FER1L6: variants seen among roughly 807,000 people sequenced by gnomAD.
FER1L6 encodes fer-1-like protein 6.
In FER1L6, 177 loss-of-function variants were observed where a neutral mutation model predicts 219.2. The observed-to-expected ratio is 0.81, with a 90% CI of 0.71 to 0.91. The LOEUF (loss-of-function observed/expected upper bound fraction) is 0.91. Among genes scored for constraint, FER1L6 ranks in the 40% least tolerant of loss-of-function variants. The probability of loss-of-function intolerance (pLI) is 0.00; values close to 1 mark genes in which losing one functional copy is unlikely to be tolerated. For missense variants in FER1L6, 2,153 were observed against 2,259.9 expected (o/e 0.95, Z 0.96); for synonymous variants, 768 against 824.3 (o/e 0.93, Z 1.17).
intron 20 of FER1L6, among the ~76,000 whole-genome samples, chr8:124,041,694 G>A (rs1483082767): frequency 2.0e-5 from 3 of 152,112 alleles, no homozygotes; most frequent in African/African-American, 7.2e-5. Flanking sequence ...GAAGTCAGGA[G>A]ACACCTCAGA....
intron 33 of FER1L6, among the ~76,000 whole-genome samples, chr8:124,090,858 G>A (rs1822000114): frequency 6.6e-6 from 1 of 152,332 alleles, no homozygotes; most frequent in South Asian, 2.1e-4. Flanking sequence ...GGGGTAGGGA[G>A]AAGGGAGGGA....
At chr8:123,859,427 T>G (rs555018531) in intron 1 of FER1L6, among the ~76,000 whole-genome samples, 4 of 152,312 alleles carry the variant, frequency 2.6e-5, no homozygotes, top group African/African-American at 9.6e-5. Flanking sequence ...AAAATCTATC[T>G]TAGCAACTTT....
chr8:123,953,635 A>T (rs1056029796), intron 1 of FER1L6, among the ~76,000 whole-genome samples: 2 of 152,200 alleles, frequency 1.3e-5, no homozygotes, highest in African/African-American at 4.8e-5. Flanking sequence ...CATGACGAGG[A>T]TGTCAGCTCC....
In FER1L6 at chr8:124,071,438, T is replaced by C. The variant is rs1821065003; in HGVS notation, c.3967-68T>C. On this transcript the variant is annotated intron_variant, in intron 30 of 40. Coordinates refer to ENST00000522917, the MANE Select transcript of FER1L6 (RefSeq NM_001039112.2). The stretch of plus-strand genomic sequence containing the variant: ...AGCTGTGCCCATTTTCCCAGCACAG[T>C]GCTCTCTGTGGGTTTTGGTGGGACA... 1.9e-6 allele frequency: 3 copies of C among 1,591,842 alleles called. No individual in the cohort carries two copies. In the South Asian group the frequency reaches 3.4e-5, roughly 18 times the overall value.
At position 124,096,934 on chromosome 8, in the gene FER1L6, C is replaced by T. The variant is rs544516122; in HGVS notation, c.4696-337C>T. Among the ~76,000 whole-genome samples the T allele has an allele frequency of 2.4e-4, 36 of 152,090 alleles. No individual in the cohort carries two copies. In the South Asian group the frequency reaches 6.0e-3, roughly 25 times the overall value. ...TGTCAAACAGAAATAGTAACATCTA[C>T]CTGGTGGAGATGTTGCAAGAGTTCA... On this transcript the variant is annotated intron_variant, in intron 35 of 40. Coordinates refer to ENST00000522917, the MANE Select transcript of FER1L6 (RefSeq NM_001039112.2).
chr8:123,960,100 G>A (rs1019389851), intron 2 of FER1L6, among the ~76,000 whole-genome samples: 19 of 152,144 alleles, frequency 1.2e-4, no homozygotes, highest in Admixed American at 2.6e-4. Flanking sequence ...AACCTGTAGG[G>A]GGGTAAATGA....
Position 124,091,526 on chromosome 8 carries a change from A to ATACAGAT in FER1L6, c.4496_4502dup (p.Gly1502ThrfsTer15). 1 of 1,614,116 alleles carries ATACAGAT rather than the reference A, an allele frequency of 6.2e-7. No homozygotes were observed. Among genetic ancestry groups the ATACAGAT allele is most frequent in the Non-Finnish European group, 8.5e-7 (1 of 1,179,950 alleles). Reference sequence around the variant, plus strand: ...TGGACCCTACTTTCACCCTGGGAAAATACAGATAGGAAACCAAGTCTTTTC... The same window carrying ATACAGAT: ...TGGACCCTACTTTCACCCTGGGAAAATACAGATTACAGATAGGAAACCAAGTCTTTTC... On this transcript the variant is annotated frameshift_variant, in exon 34 of 41. Transcript: ENST00000522917. LOFTEE classifies it high-confidence loss of function.
At chr8:124,092,897 C>T (rs980090366) in intron 34 of FER1L6, among the ~76,000 whole-genome samples, 1 of 150,002 alleles carries the variant, frequency 6.7e-6, no homozygotes, top group South Asian at 2.1e-4. Context: ...ATTCTGTCAC[C>T]CAGGCTGGAG....
intron 1 of FER1L6, among the ~76,000 whole-genome samples, chr8:123,881,589 C>T (rs1181558600): frequency 6.6e-6 from 1 of 152,094 alleles, no homozygotes; most frequent in African/African-American, 2.4e-5. Flanking sequence ...AAAAAGCAAA[C>T]TTTAGTGCCA....
At chr8:124,090,057 A>G (rs1332630221) in intron 33 of FER1L6, among the ~76,000 whole-genome samples, 2 of 152,184 alleles carry the variant, frequency 1.3e-5, no homozygotes, top group Non-Finnish European at 2.9e-5. Context: ...AATTGACTTA[A>G]CATTTATGCA....
At chr8:124,001,405 C>A (rs1817404102) in intron 12 of FER1L6, among the ~76,000 whole-genome samples, 1 of 152,126 alleles carries the variant, frequency 6.6e-6, no homozygotes, top group Non-Finnish European at 1.5e-5. Context: ...ATTAAAAACC[C>A]CATCTAATTA....
Position 124,101,108 on chromosome 8 carries a change from G to C in FER1L6, c.4895G>C (p.Gly1632Ala), listed in dbSNP as rs1314862043. ...GAATCTATTTTTAGGTGGTTAAAGG[G>C]CTTGGAGGATGACAAGCAGGAGACA... ...SDIYVKGWLK[G>A]LEDDKQETDV... Residue 1632 changes from glycine to alanine, a missense_variant, in exon 38 of 41, where the codon GGC (glycine) becomes GCC (alanine). Gly to Ala is a moderately conservative substitution (Grantham distance 60). Coordinates refer to ENST00000522917, the MANE Select transcript of FER1L6 (RefSeq NM_001039112.2). 1.9e-6 allele frequency: 3 copies of C among 1,613,728 alleles called. No homozygotes were observed. The highest frequency in any genetic ancestry group is 1.6e-4 in the Middle Eastern group (1 of 6,062).
At chr8:123,939,241 T>G in intron 1 of FER1L6, 1 of 961,430 alleles carries the variant, frequency 1.0e-6, no homozygotes, top group Non-Finnish European at 1.2e-6. Context: ...AACCATGACA[T>G]TCTGTGGTAC....
Position 123,980,472 on chromosome 8 carries a change from GC to G in FER1L6, c.1074del (p.Thr359ProfsTer18). The stretch of plus-strand genomic sequence containing the variant: ...AACCTGGGGTCTCTCTAGGCTTTCT[GC>G]CCACCTTTGGGCCTGCCTGGATTAA... ...NEQDGDKGFL[P>X]TFGPAWINLY... On this transcript the variant is annotated frameshift_variant, in exon 11 of 41. Coordinates refer to ENST00000522917, the MANE Select transcript of FER1L6 (RefSeq NM_001039112.2). LOFTEE classifies it high-confidence loss of function. 1 of 1,607,608 alleles carries G rather than the reference GC, an allele frequency of 6.2e-7. No homozygotes were observed. Among genetic ancestry groups the G allele is most frequent in the Non-Finnish European group, 8.5e-7 (1 of 1,176,882 alleles).
At chr8:124,047,075 T>C (rs1293320683) in intron 21 of FER1L6, among the ~76,000 whole-genome samples, 1 of 152,262 alleles carries the variant, frequency 6.6e-6, no homozygotes, top group Non-Finnish European at 1.5e-5. Flanking sequence ...AATTTTGTTC[T>C]TAACAACATG....
In FER1L6 at chr8:124,094,877, TTGTC is replaced by T; in HGVS notation, c.4553-17_4553-14del. 6.2e-7 allele frequency: 1 copy of T among 1,613,692 alleles called. No homozygotes were observed. The highest frequency in any genetic ancestry group is 8.5e-7 in the Non-Finnish European group (1 of 1,179,698). On this transcript the variant is annotated splice_polypyrimidine_tract_variant and intron_variant, in intron 34 of 40. Coordinates refer to ENST00000522917, the MANE Select transcript of FER1L6 (RefSeq NM_001039112.2). Reference sequence around the variant, plus strand: ...TTGCAGGAACACACATCTGACAAGTTTGTCTTTCTTTCCTGCAGATGAGACAGTG... The same window carrying T: ...TTGCAGGAACACACATCTGACAAGTTTTTCTTTCCTGCAGATGAGACAGTG...
intron 33 of FER1L6, among the ~76,000 whole-genome samples, chr8:124,088,940 G>A (rs1240948175): frequency 6.6e-6 from 1 of 152,006 alleles, no homozygotes; most frequent in East Asian, 1.9e-4. Context: ...CTGGGCCTCT[G>A]AACTGTGCTG....
At chr8:124,027,269 G>C (rs752020024) in intron 18 of FER1L6, among the ~76,000 whole-genome samples, 1 of 151,958 alleles carries the variant, frequency 6.6e-6, no homozygotes, top group African/African-American at 2.4e-5. Context: ...AGAATTCCAG[G>C]GCCAATATAT....
intron 27 of FER1L6, 108 bp downstream of exon 27, chr8:124,066,658 A>G: frequency 8.1e-7 from 1 of 1,232,324 alleles, no homozygotes; most frequent in South Asian, 1.5e-5. Context: ...CTATACATAG[A>G]CCCTACTCAG....
Sources: gnomAD v4.1 joint callset for allele counts (sites outside exome capture counted in the v4.1 genomes callset) on GRCh38, gnomAD v4.1.1 for gene constraint, MANE v1.5 for transcripts, NCBI Gene and HGNC (gene_info 2026-07-23, HGNC 2026-07-21) for gene names.